Variants in AUTS2 observed in about 807,000 individuals in gnomAD.
AUTS2 encodes the protein activator of transcription and developmental regulator AUTS2.
AUTS2 carries 17 observed loss-of-function variants against 112.4 expected under a neutral mutation model. The observed-to-expected ratio is 0.15, with a 90% CI of 0.10 to 0.23. The LOEUF (loss-of-function observed/expected upper bound fraction) is 0.23, where lower values mean the gene tolerates loss of function less well. AUTS2 is among the 10% of genes least tolerant of loss of function. The pLI is 1.00. For missense variants in AUTS2, 1,510 were observed against 1,701.6 expected, an observed-to-expected ratio of 0.89 and a Z score of 1.98; for synonymous variants, 751 against 702.7, an observed-to-expected ratio of 1.07 and a Z score of -1.09.
At chr7:70,255,029 A>T (rs1440118579) in intron 4 of AUTS2, among the ~76,000 whole-genome samples, 1 of 151,634 alleles carries the variant, frequency 6.6e-6, no homozygotes, top group Non-Finnish European at 1.5e-5. Context: ...CACCTTCAGA[A>T]ATCCAGGTAT....
At chr7:69,764,324 C>T (rs2129289787) in intron 1 of AUTS2, among the ~76,000 whole-genome samples, 1 of 151,402 alleles carries the variant, frequency 6.6e-6, no homozygotes, top group South Asian at 2.1e-4. Context: ...CCCTGCCGTG[C>T]TCTGGAATTA....
chr7:69,720,310 T>TTA (rs1798856239), intron 1 of AUTS2, among the ~76,000 whole-genome samples: 1 of 152,148 alleles, frequency 6.6e-6, no homozygotes, highest in African/African-American at 2.4e-5. Flanking sequence ...CCCTTGAGGG[T>TTA]TATAGGCTTT....
At chr7:70,270,842 T>A (rs564284404) in intron 4 of AUTS2, among the ~76,000 whole-genome samples, 1 of 152,118 alleles carries the variant, frequency 6.6e-6, no homozygotes, top group South Asian at 2.1e-4. Flanking sequence ...GGAAGACATA[T>A]CATCTTTACC....
intron 1 of AUTS2, among the ~76,000 whole-genome samples, chr7:69,815,058 A>G (rs1411088909): frequency 1.3e-5 from 2 of 152,226 alleles, no homozygotes; most frequent in African/African-American, 2.4e-5. Flanking sequence ...CCATGAAGAC[A>G]TTTACAGCTA....
chr7:69,806,010 C>G (rs1196871548), intron 1 of AUTS2, among the ~76,000 whole-genome samples: 1 of 151,950 alleles, frequency 6.6e-6, no homozygotes, highest in Non-Finnish European at 1.5e-5. Context: ...CACGATTCCC[C>G]CACCTCAGCC....
At chr7:69,680,193 T>C (rs1041482138) in intron 1 of AUTS2, among the ~76,000 whole-genome samples, 12 of 152,238 alleles carry the variant, frequency 7.9e-5, no homozygotes, top group African/African-American at 2.2e-4. Flanking sequence ...TCAGAAGTAA[T>C]CCATTGATTC....
intron 2 of AUTS2, among the ~76,000 whole-genome samples, chr7:70,081,920 G>A (rs1435037108): frequency 6.7e-6 from 1 of 149,190 alleles, no homozygotes; most frequent in Non-Finnish European, 1.5e-5. Context: ...AAAAACGGTA[G>A]ATTTTTCTGT....
At chr7:70,640,951 G>A (rs1471871641) in intron 5 of AUTS2, among the ~76,000 whole-genome samples, 1 of 152,060 alleles carries the variant, frequency 6.6e-6, no homozygotes, top group Non-Finnish European at 1.5e-5. Context: ...GTTCCACATG[G>A]CAGCCAGTGT....
chr7:70,019,602 A>G (rs1443661064), intron 2 of AUTS2, among the ~76,000 whole-genome samples: 3 of 152,146 alleles, frequency 2.0e-5, no homozygotes, highest in Non-Finnish European at 4.4e-5. Flanking sequence ...CTGAAGCCTC[A>G]GGTCCATCTT....
At chr7:70,545,240 A>T (rs4718957) in intron 5 of AUTS2, among the ~76,000 whole-genome samples, 1 of 152,214 alleles carries the variant, frequency 6.6e-6, no homozygotes, top group South Asian at 2.1e-4. Flanking sequence ...AGACCAGAGC[A>T]CAGGTCAAAG....
intron 1 of AUTS2, among the ~76,000 whole-genome samples, chr7:69,875,455 G>GATT (rs1304927395): frequency 1.3e-5 from 2 of 152,016 alleles, no homozygotes; most frequent in African/African-American, 2.4e-5. Flanking sequence ...GCATTAAGAG[G>GATT]ATTATTATTA....
Position 70,694,641 on chromosome 7 carries a change from GC to G in AUTS2, c.691-3925del, listed in dbSNP as rs1456551451. The G allele has an allele frequency of 6.7e-6, 1 of 148,180 alleles. No individual in the cohort carries two copies. Among genetic ancestry groups the G allele is most frequent in the African/African-American group, 2.4e-5 (1 of 40,900 alleles). 9.2% of individuals were successfully genotyped at this position (148,180 alleles called of 1,614,324 possible). On this transcript the variant is annotated intron_variant, in intron 5 of 18. Transcript: ENST00000342771. This position sits in a 1 kb window ranked among gnomAD's most constrained non-coding sequence, Gnocchi z 4.1. ...CTCCGCCTCGCCCTCCCGCCGGCCG[GC>G]CCGGGACGCGCCTTGTTAGCCCCCG...
intron 1 of AUTS2, among the ~76,000 whole-genome samples, chr7:69,889,125 C>T (rs1307515438): frequency 1.3e-5 from 2 of 152,104 alleles, no homozygotes; most frequent in African/African-American, 4.8e-5. Context: ...TTCTCAAACT[C>T]CTGGGCTCAA....
intron 4 of AUTS2, among the ~76,000 whole-genome samples, chr7:70,418,075 CTGTGTGTGTGTGTGTGTG>C (rs34869843): frequency 4.5e-4 from 62 of 136,464 alleles, no homozygotes; most frequent in African/African-American, 1.6e-3. Context: ...GGCTAACTTT[CTGTGTGTGTGTGTGTGTG>C]TGTGTGTGTG....
intron 5 of AUTS2, among the ~76,000 whole-genome samples, chr7:70,671,388 C>T (rs1807634418): frequency 6.6e-6 from 1 of 152,196 alleles, no homozygotes; most frequent in Non-Finnish European, 1.5e-5. Context: ...AACATTATCC[C>T]TTAAAAGGAT....
In AUTS2 at chr7:69,599,437, C is replaced by T. The variant is rs1792244960; in HGVS notation, c.-217C>T. ...GGGCTCCTCGCCTCTCGCCCTCGCTCCCCGTCCCTCCTCCCCTCTCTCCGC... is the reference window on the plus strand; with the variant it reads ...GGGCTCCTCGCCTCTCGCCCTCGCTTCCCGTCCCTCCTCCCCTCTCTCCGC... On this transcript the variant is annotated 5_prime_UTR_variant, in exon 1 of 19. Transcript: ENST00000342771. This position sits in a 1 kb window ranked among gnomAD's most constrained non-coding sequence, Gnocchi z 7.0. The T allele has an allele frequency of 2.4e-6, 1 of 408,296 alleles. No homozygotes were observed. Among genetic ancestry groups the T allele is most frequent in the East Asian group, 3.9e-5 (1 of 25,390 alleles). The allele number at this position is 408,296 out of a possible 1,614,324, so 25.3% of individuals were successfully genotyped here. A position where few individuals can be genotyped will look rare whatever the true frequency, so the allele number is the denominator to read the frequency against.
At chr7:69,824,824 A>T (rs547450110) in intron 1 of AUTS2, 1 of 152,300 alleles carries the variant, frequency 6.6e-6, no homozygotes, top group Non-Finnish European at 1.5e-5. Flanking sequence ...GCAGCTGTCT[A>T]CTTAATCTGC....
chr7:69,744,733 A>G lies in AUTS2; in HGVS notation c.309+144771A>G, dbSNP rs147454859. Among the ~76,000 whole-genome samples, 14 of 151,940 alleles carry G rather than the reference A, an allele frequency of 9.2e-5. No individual in the cohort carries two copies. In the East Asian group the frequency reaches 2.5e-3, roughly 27 times the overall value. On this transcript the variant is annotated intron_variant, in intron 1 of 18. Coordinates refer to ENST00000342771, the MANE Select transcript of AUTS2 (RefSeq NM_015570.4). ...TGCCTGTAGTCCCTGTTATCTGGGG[A>G]TGCTGAGGATCACTTGAGCCCAGGA...
At chr7:70,313,532 G>T (rs577352860) in intron 4 of AUTS2, among the ~76,000 whole-genome samples, 1 of 152,294 alleles carries the variant, frequency 6.6e-6, no homozygotes, top group African/African-American at 2.4e-5. Context: ...AAACTTTTCA[G>T]TGATTATTTC....
Sources: allele counts gnomAD v4.1 joint callset (sites outside exome capture counted in the v4.1 genomes callset), GRCh38; gene constraint gnomAD v4.1.1; non-coding constraint Gnocchi (gnomAD v3.1); transcripts MANE v1.5; gene names NCBI Gene and HGNC (gene_info 2026-07-23, HGNC 2026-07-21).